Variants in FGD6 observed in about 807,000 individuals in gnomAD.
FGD6 encodes the protein FYVE, RhoGEF and PH domain-containing protein 6.
Under a neutral mutation model 149.4 loss-of-function variants are expected in FGD6, and 90 were observed. The ratio of observed to expected loss-of-function variants is 0.60; its 90% confidence interval spans 0.51 to 0.72. The LOEUF is 0.72. Ranked by LOEUF, FGD6 falls within the 30% of genes least tolerant of loss-of-function variation. FGD6 has a pLI of 0.00. For synonymous variants in FGD6, 527 were observed against 584.0 expected, an observed-to-expected ratio of 0.90 and a Z score of 1.41; for missense variants, 1,437 against 1,684.8, an observed-to-expected ratio of 0.85 and a Z score of 2.57.
At chr12:95,083,604 T>C (rs1398481392) in intron 20 of FGD6, among the ~76,000 whole-genome samples, 1 of 152,222 alleles carries the variant, frequency 6.6e-6, no homozygotes, top group Non-Finnish European at 1.5e-5. Flanking sequence ...CTATATACTG[T>C]TGGATATCCT....
chr12:95,092,090 C>T (rs146148408), intron 16 of FGD6, among the ~76,000 whole-genome samples: 1 of 152,280 alleles, frequency 6.6e-6, no homozygotes, highest in African/African-American at 2.4e-5. Context: ...ATGCTTAGAA[C>T]CGTACCTGGC....
chr12:95,110,586 C>G (rs112632629), intron 9 of FGD6, among the ~76,000 whole-genome samples: 8 of 151,702 alleles, frequency 5.3e-5, no homozygotes, highest in African/African-American at 1.9e-4. Flanking sequence ...AAACTCCTGA[C>G]CTCAGGTGAT....
intron 9 of FGD6, among the ~76,000 whole-genome samples, chr12:95,109,697 C>T (rs1878751304): frequency 6.6e-6 from 1 of 152,018 alleles, no homozygotes; most frequent in Non-Finnish European, 1.5e-5. Flanking sequence ...ACCTTGTTTC[C>T]ACAAAAAATC....
chr12:95,104,944 A>G, intron 14 of FGD6, 63 bp downstream of exon 14: 1 of 1,466,680 alleles, frequency 6.8e-7, no homozygotes, highest in Non-Finnish European at 9.2e-7. Flanking sequence ...TTTTCCTGAC[A>G]TTCCCTAGCA....
chr12:95,125,044 A>G (rs1345793127), intron 8 of FGD6, among the ~76,000 whole-genome samples: 1 of 152,150 alleles, frequency 6.6e-6, no homozygotes, highest in Non-Finnish European at 1.5e-5. Flanking sequence ...TTTTTTTTTA[A>G]TAACTGTACT....
chr12:95,077,209 A>C lies in FGD6; in HGVS notation c.*4311T>G, dbSNP rs1252195109. On this transcript the variant is annotated 3_prime_UTR_variant, in exon 21 of 21. Transcript: ENST00000343958. ...AGAAGGGATCCATAGGAAGGAATTT[A>C]ATTCAGCAAATACTGAGTGTCCACT... The C allele has an allele frequency of 6.6e-6, 1 of 152,250 alleles. No individual in the cohort carries two copies. The highest frequency in any genetic ancestry group is 1.5e-5 in the Non-Finnish European group (1 of 68,050). 9.4% of individuals were successfully genotyped at this position (152,250 alleles called of 1,614,324 possible). A position where few individuals can be genotyped will look rare whatever the true frequency, so the allele number is the denominator to read the frequency against.
chr12:95,113,597 C>T, intron 9 of FGD6, 54 bp downstream of exon 9: 2 of 1,302,406 alleles, frequency 1.5e-6, no homozygotes, highest in Admixed American at 2.1e-5. Flanking sequence ...TACTTTCTAG[C>T]CCTACCTAAA....
chr12:95,107,413 T>A (rs1038726481), intron 12 of FGD6, 150 bp downstream of exon 12: 1 of 637,794 alleles, frequency 1.6e-6, no homozygotes, highest in African/African-American at 1.8e-5. Flanking sequence ...TTTCCCATAC[T>A]TGAAATGCAA....
At chr12:95,214,244 C>T (rs2056741430) in intron 1 of FGD6, among the ~76,000 whole-genome samples, 1 of 152,144 alleles carries the variant, frequency 6.6e-6, no homozygotes, top group Non-Finnish European at 1.5e-5. Context: ...AATATGTCTC[C>T]ATAACAGAAA....
chr12:95,180,038 A>G (rs1364686102), intron 2 of FGD6, among the ~76,000 whole-genome samples: 2 of 149,396 alleles, frequency 1.3e-5, no homozygotes, highest in Admixed American at 6.8e-5. Context: ...AGATCCTGCC[A>G]TTGCACTCCA....
chr12:95,141,741 AT>A (rs1350967745), intron 5 of FGD6, among the ~76,000 whole-genome samples: 3 of 152,158 alleles, frequency 2.0e-5, no homozygotes, highest in Non-Finnish European at 4.4e-5. Flanking sequence ...TGAGACGATT[AT>A]TTGATTTTCA....
intron 17 of FGD6, among the ~76,000 whole-genome samples, chr12:95,090,220 C>T (rs906819414): frequency 7.9e-5 from 12 of 151,798 alleles, no homozygotes; most frequent in Admixed American, 1.3e-4. Flanking sequence ...GAACACTGTG[C>T]GCTAAGAGGT....
chr12:95,174,049 C>T (rs1462626552), intron 2 of FGD6, among the ~76,000 whole-genome samples: 1 of 152,166 alleles, frequency 6.6e-6, no homozygotes. Flanking sequence ...TTCCATTACT[C>T]AATGGCTGGG....
chr12:95,205,832 A>T (rs1273103760), intron 2 of FGD6, among the ~76,000 whole-genome samples: 1 of 152,184 alleles, frequency 6.6e-6, no homozygotes, highest in Admixed American at 6.5e-5. Flanking sequence ...AGTAGTCTCA[A>T]GCCTGTTGCA....
chr12:95,133,685 AATGCGTATTATAT>A (rs1044737173), intron 8 of FGD6, among the ~76,000 whole-genome samples: 6 of 152,178 alleles, frequency 3.9e-5, no homozygotes, highest in Admixed American at 3.9e-4. Context: ...ATACAATTTT[AATGCGTATTATAT>A]ATGCATATTA....
At chr12:95,126,164 C>T in intron 8 of FGD6, 1 of 1,053,116 alleles carries the variant, frequency 9.5e-7, no homozygotes, top group Non-Finnish European at 1.5e-6. Context: ...AGGAAGCTCT[C>T]CTGAAAGCTT....
At chr12:95,117,767 G>C (rs1879062742) in intron 8 of FGD6, among the ~76,000 whole-genome samples, 1 of 152,176 alleles carries the variant, frequency 6.6e-6, no homozygotes, top group Non-Finnish European at 1.5e-5. Context: ...AAGGCCACCG[G>C]GCGCAGTGGC....
chr12:95,085,805 A>C lies in FGD6; in HGVS notation c.4082T>G (p.Val1361Gly), dbSNP rs2136230906. 3.1e-6 allele frequency: 5 copies of C among 1,613,816 alleles called. No homozygotes were observed. The East Asian group carries it at 1.1e-4, about 36-fold the overall frequency. ...KHFWFVIKNK[V>G]LYTYAASEDV... ...CTCACTTGCAGCATATGTATATAGTACTTTATTTTTTATGACAAACCAAAA... is the reference window on the plus strand; with the variant it reads ...CTCACTTGCAGCATATGTATATAGTCCTTTATTTTTTATGACAAACCAAAA... Residue 1361 changes from valine to glycine, a missense_variant, in exon 19 of 21, where the codon GTA becomes GGA. Val to Gly is a moderately radical substitution (Grantham distance 109). Around this residue, in one of 2 missense-constraint regions of FGD6, gnomAD observed 382 missense variants for 538.7 expected, o/e 0.71. Transcript: ENST00000343958.
chr12:95,191,053 T>G (rs570488098), intron 2 of FGD6, among the ~76,000 whole-genome samples: 118 of 152,302 alleles, frequency 7.7e-4, no homozygotes, highest in South Asian at 1.5e-3. Context: ...GTTCTTTCAT[T>G]TACAGTTCCA....
Sources: allele counts gnomAD v4.1 joint callset (sites outside exome capture counted in the v4.1 genomes callset), GRCh38; gene constraint gnomAD v4.1.1; regional missense constraint gnomAD v4.1.1; transcripts MANE v1.5; gene names NCBI Gene and HGNC (gene_info 2026-07-23, HGNC 2026-07-21).